MINDY3: variants seen among roughly 807,000 people sequenced by gnomAD.
MINDY3 encodes the protein MINDY lysine 48 deubiquitinase 3.
Under a neutral mutation model 69.2 loss-of-function variants are expected in MINDY3, and 38 were observed. That is an observed-to-expected ratio of 0.55 (90% CI 0.42 to 0.72). The LOEUF (loss-of-function observed/expected upper bound fraction) is 0.72. Among genes scored for constraint, MINDY3 ranks in the 30% least tolerant of loss-of-function variants. The pLI, the probability that MINDY3 is intolerant of heterozygous loss-of-function variation, is 0.00. For missense variants in MINDY3, 522 were observed against 519.0 expected, an observed-to-expected ratio of 1.01 and a Z score of -0.06; for synonymous variants, 192 against 180.1, an observed-to-expected ratio of 1.07 and a Z score of -0.53.
chr10:15,781,314 A>G (rs765602879), intron 14 of MINDY3, among the ~76,000 whole-genome samples: 2 of 151,282 alleles, frequency 1.3e-5, no homozygotes, highest in Admixed American at 6.6e-5. Context: ...CACAATTTAG[A>G]TACATGAAGT....
chr10:15,803,578 C>T (rs1318357906), intron 10 of MINDY3, among the ~76,000 whole-genome samples: 1 of 152,086 alleles, frequency 6.6e-6, no homozygotes, highest in Non-Finnish European at 1.5e-5. Flanking sequence ...AATATAGCAA[C>T]AGCTTTTAGG....
intron 1 of MINDY3, among the ~76,000 whole-genome samples, chr10:15,858,768 A>G (rs1834872129): frequency 6.6e-6 from 1 of 152,186 alleles, no homozygotes; most frequent in Non-Finnish European, 1.5e-5. Context: ...ACTTTGTAAA[A>G]TGTTTAATAA....
At chr10:15,826,598 T>C (rs2132025114) in intron 8 of MINDY3, among the ~76,000 whole-genome samples, 1 of 152,278 alleles carries the variant, frequency 6.6e-6, no homozygotes, top group African/African-American at 2.4e-5. Context: ...TCAACTGGAA[T>C]AGATAATGTA....
At chr10:15,785,984 G>A (rs1181512440) in intron 13 of MINDY3, among the ~76,000 whole-genome samples, 1 of 152,136 alleles carries the variant, frequency 6.6e-6, no homozygotes, top group Admixed American at 6.6e-5. Flanking sequence ...AGAGAACAAA[G>A]ACAGAAAGAT....
At position 15,848,655 on chromosome 10, in the gene MINDY3, AAAAAAAAGAAAG is replaced by A. The variant is rs1350074025; in HGVS notation, c.95-724_95-713del. On this transcript the variant is annotated intron_variant, in intron 1 of 14. Transcript: ENST00000277632. Reference sequence around the variant, plus strand: ...TCTCAAAAAAAAAAAAAAAAAAAAAAAAAAAAAGAAAGAAAAATTAAATGGCATTGTAGACAG... The same window carrying A: ...TCTCAAAAAAAAAAAAAAAAAAAAAAAAAAATTAAATGGCATTGTAGACAG... Among the ~76,000 whole-genome samples, 125 of 127,282 alleles carry A rather than the reference AAAAAAAAGAAAG, an allele frequency of 9.8e-4. 10 individuals carry two copies. The highest frequency in any genetic ancestry group is 3.3e-3 in the African/African-American group (121 of 37,056). The allele number at this position is 127,282 out of a possible 152,430, so 83.5% of individuals were successfully genotyped here.
chr10:15,838,464 A>G (rs988407049), intron 4 of MINDY3, among the ~76,000 whole-genome samples, 185 bp from the exon 5 acceptor site: 1 of 151,804 alleles, frequency 6.6e-6, no homozygotes, highest in Non-Finnish European at 1.5e-5. Flanking sequence ...TATTATGAAT[A>G]TAACTAAAAT....
intron 5 of MINDY3, chr10:15,838,006 T>G: frequency 1.0e-6 from 1 of 980,084 alleles, no homozygotes; most frequent in African/African-American, 1.7e-5. Flanking sequence ...TTTAATGTTT[T>G]TGAAAAGCGT....
chr10:15,822,840 GATA>G (rs1276568801), intron 8 of MINDY3, among the ~76,000 whole-genome samples: 3 of 152,018 alleles, frequency 2.0e-5, no homozygotes, highest in African/African-American at 7.2e-5. Flanking sequence ...ATAAAAATGT[GATA>G]ATAATAAAGT....
chr10:15,805,144 G>A (rs1221468195), intron 10 of MINDY3, among the ~76,000 whole-genome samples: 2 of 152,040 alleles, frequency 1.3e-5, no homozygotes, highest in African/African-American at 4.8e-5. Flanking sequence ...CCAAATTATC[G>A]TAATCGACCA....
In MINDY3 at chr10:15,828,378, T is replaced by G. The variant is rs995871743; in HGVS notation, c.730+5252A>C. 2.0e-5 allele frequency among the ~76,000 whole-genome samples: 3 copies of G among 152,094 alleles called. No individual in the cohort carries two copies. The South Asian group carries it at 6.2e-4, about 32-fold the overall frequency. On this transcript the variant is annotated intron_variant, in intron 8 of 14. Transcript: ENST00000277632. ...GAAACATCTCAAACAGGTAAATCTA[T>G]AGAGAGAAAGTAGATGAGCGGATGC...
At chr10:15,857,928 T>C (rs1834811124) in intron 1 of MINDY3, 1 of 970,924 alleles carries the variant, frequency 1.0e-6, no homozygotes, top group South Asian at 4.7e-5. Flanking sequence ...TCCAGAAAAC[T>C]AATGAGACTG....
chr10:15,844,595 A>AT, intron 2 of MINDY3, among the ~76,000 whole-genome samples: 1 of 152,188 alleles, frequency 6.6e-6, no homozygotes, highest in East Asian at 1.9e-4. Flanking sequence ...GTTGCTTGCA[A>AT]TTTTTTTGCT....
intron 2 of MINDY3, among the ~76,000 whole-genome samples, chr10:15,846,659 T>C: frequency 6.6e-6 from 1 of 152,280 alleles, no homozygotes; most frequent in East Asian, 1.9e-4. Context: ...TAAGTATTAT[T>C]ATGCTCTATA....
rs1246978464 is a variant in MINDY3 at position 15,834,890 on chromosome 10, T to G, written c.577-274A>C. On this transcript the variant is annotated intron_variant, in intron 6 of 14. Transcript: ENST00000277632. ...AAAGGGCAAGGAGAGAGAATTAACT[T>G]TTAATAGGAGAAAGGAGAAATTATT... Among the ~76,000 whole-genome samples the G allele has an allele frequency of 2.0e-5, 3 of 152,170 alleles. No homozygotes were observed. In the East Asian group the frequency reaches 5.8e-4, roughly 29 times the overall value.
intron 10 of MINDY3, among the ~76,000 whole-genome samples, chr10:15,802,204 A>T (rs1838314206): frequency 6.6e-6 from 1 of 152,060 alleles, no homozygotes; most frequent in Non-Finnish European, 1.5e-5. Context: ...TTAGCACCCC[A>T]ACTCCCATGT....
chr10:15,843,353 A>C, intron 2 of MINDY3, 81 bp from the exon 3 acceptor site: 3 of 1,119,886 alleles, frequency 2.7e-6, no homozygotes, highest in Non-Finnish European at 4.1e-6. Context: ...AGTGGGAAAA[A>C]ATAATGTGTA....
At chr10:15,846,406 C>T (rs963429398) in intron 2 of MINDY3, among the ~76,000 whole-genome samples, 2 of 152,114 alleles carry the variant, frequency 1.3e-5, no homozygotes, top group African/African-American at 4.8e-5. Context: ...AACATTCCTA[C>T]TAGCAACCAA....
intron 11 of MINDY3, among the ~76,000 whole-genome samples, chr10:15,790,377 A>AT: frequency 6.6e-6 from 1 of 152,222 alleles, no homozygotes; most frequent in Non-Finnish European, 1.5e-5. Flanking sequence ...AAAATGTGCA[A>AT]TTTTTTAAGT....
intron 10 of MINDY3, among the ~76,000 whole-genome samples, chr10:15,800,032 G>T (rs1838147660): frequency 6.6e-6 from 1 of 152,084 alleles, no homozygotes; most frequent in African/African-American, 2.4e-5. Flanking sequence ...ACATGGATAT[G>T]AACTGCATGG....
Sources: gnomAD v4.1 joint callset for allele counts (sites outside exome capture counted in the v4.1 genomes callset) on GRCh38, gnomAD v4.1.1 for gene constraint, MANE v1.5 for transcripts, NCBI Gene and HGNC (gene_info 2026-07-23, HGNC 2026-07-21) for gene names.